Variants in MAPT observed in about 807,000 individuals in gnomAD.
MAPT encodes microtubule associated protein tau.
MAPT carries 34 observed loss-of-function variants against 67.9 expected under a neutral mutation model. That is an observed-to-expected ratio of 0.50 (90% confidence interval 0.38 to 0.67). The LOEUF (loss-of-function observed/expected upper bound fraction) is 0.67. Among genes scored for constraint, MAPT ranks in the 30% least tolerant of loss-of-function variants. The pLI, the probability that MAPT is intolerant of heterozygous loss-of-function variation, is 0.00. For missense variants in MAPT, 881 were observed against 1,115.2 expected, an observed-to-expected ratio of 0.79 and a Z score of 2.99; for synonymous variants, 456 against 464.5, an observed-to-expected ratio of 0.98 and a Z score of 0.23.
At chr17:45,939,110 G>A (rs1325314859) in intron 1 of MAPT, among the ~76,000 whole-genome samples, 1 of 151,962 alleles carries the variant, frequency 6.6e-6, no homozygotes, top group Non-Finnish European at 1.5e-5. Flanking sequence ...CAACATGCCC[G>A]GCCCCAGCTA....
intron 1 of MAPT, among the ~76,000 whole-genome samples, chr17:45,957,699 C>T (rs2069895964): frequency 6.6e-6 from 1 of 152,172 alleles, no homozygotes; most frequent in Non-Finnish European, 1.5e-5. Flanking sequence ...GACTACATTC[C>T]GCCCCCAACT....
chr17:45,907,768 A>T (rs560780125), intron 1 of MAPT: 1 of 152,378 alleles, frequency 6.6e-6, no homozygotes, highest in Non-Finnish European at 1.5e-5. Context: ...CTATACGAAG[A>T]TGCTGATAAT....
chr17:45,963,038 T>C lies in MAPT; in HGVS notation c.133+568T>C, dbSNP rs917428488. ...CAATCTCTCAAATACAGGGTACTTT[T>C]TGAGGCATTAGCCACACCTGTTAGC... On this transcript the variant is annotated intron_variant, in intron 2 of 12. Coordinates refer to ENST00000262410, the MANE Select transcript of MAPT (RefSeq NM_001377265.1). Among the ~76,000 whole-genome samples, 5 of 152,206 alleles carry C rather than the reference T, an allele frequency of 3.3e-5. No homozygotes were observed. The East Asian group carries it at 9.6e-4, about 29-fold the overall frequency.
At chr17:45,903,175 A>C (rs1256449413) in intron 1 of MAPT, among the ~76,000 whole-genome samples, 1 of 152,134 alleles carries the variant, frequency 6.6e-6, no homozygotes, top group African/African-American at 2.4e-5. Flanking sequence ...AATTCATGGA[A>C]CCGTGGGACG....
At chr17:45,937,032 C>T (rs2067395725) in intron 1 of MAPT, among the ~76,000 whole-genome samples, 1 of 152,194 alleles carries the variant, frequency 6.6e-6, no homozygotes, top group African/African-American at 2.4e-5. Flanking sequence ...CACGCCTACT[C>T]AGAGTCTGCA....
intron 1 of MAPT, among the ~76,000 whole-genome samples, chr17:45,945,983 T>G (rs190233894): frequency 7.0e-4 from 107 of 152,284 alleles, no homozygotes; most frequent in African/African-American, 2.3e-3. Context: ...GTTCCTTTGC[T>G]TTTCTCTTTT....
chr17:45,940,752 A>G (rs1316302255), intron 1 of MAPT, among the ~76,000 whole-genome samples: 1 of 152,150 alleles, frequency 6.6e-6, no homozygotes. Context: ...TTCTAGCTAT[A>G]GACAGAAAAA....
chr17:45,907,689 T>G (rs2064420221), intron 1 of MAPT: 1 of 152,210 alleles, frequency 6.6e-6, no homozygotes, highest in Non-Finnish European at 1.5e-5. Flanking sequence ...TTTGAAACAT[T>G]CTATAATCGT....
chr17:45,990,835 C>T lies in MAPT; in HGVS notation c.1606-625C>T, dbSNP rs149316672. On this transcript the variant is annotated intron_variant, in intron 7 of 12. Transcript: ENST00000262410. ...AAGGGTCATCTGCTGGGTAACGGAA[C>T]CCAGGGACTGCCCTAGTCCCTAGAC... Among the ~76,000 whole-genome samples, 524 of 152,248 alleles carry T rather than the reference C, an allele frequency of 3.4e-3. 9 individuals carry two copies. The highest frequency in any genetic ancestry group is 9.5e-3 in the East Asian group (49 of 5,180).
Position 45,983,598 on chromosome 17 carries a change from TC to T in MAPT, c.1024del (p.Leu342SerfsTer23), listed in dbSNP as rs1335230859. On this transcript the variant is annotated frameshift_variant, in exon 5 of 13. Transcript: ENST00000262410. LOFTEE classifies it high-confidence loss of function. ...SIPGFPAEGA[I>X]PLPVDFLSKV... is the part of the protein sequence containing the mutation. ...CCAGGCTTCCCAGCGGAGGGTGCCA[TC>T]CCCCTCCCTGTGGATTTCCTCTCCA... 6.2e-7 allele frequency: 1 copy of T among 1,612,892 alleles called. No homozygotes were observed. The highest frequency in any genetic ancestry group is 8.5e-7 in the Non-Finnish European group (1 of 1,179,886).
chr17:45,992,035 C>A (rs1251333231), intron 8 of MAPT, among the ~76,000 whole-genome samples: 1 of 152,104 alleles, frequency 6.6e-6, no homozygotes. Context: ...ATCCACCTGC[C>A]TCGGCCTCCC....
intron 8 of MAPT, among the ~76,000 whole-genome samples, chr17:45,993,201 C>T (rs1028148068): frequency 1.3e-5 from 2 of 152,214 alleles, no homozygotes; most frequent in South Asian, 2.1e-4. Flanking sequence ...TGGCATTTCT[C>T]GCACACATGC....
chr17:45,988,833 C>T (rs1028624036), intron 6 of MAPT, among the ~76,000 whole-genome samples: 22 of 152,074 alleles, frequency 1.4e-4, no homozygotes, highest in Non-Finnish European at 2.9e-4. Flanking sequence ...TGCAGTGAGC[C>T]GTGATGGCAC....
At chr17:45,904,221 TATATATATTATATATTATA>T (rs1365810310) in intron 1 of MAPT, among the ~76,000 whole-genome samples, 7 of 46,094 alleles carry the variant, frequency 1.5e-4, no homozygotes, top group South Asian at 4.9e-4. Context: ...TTATATATAT[TATATATATTATATATTATA>T]ATATATATTA....
In MAPT at chr17:45,983,773, A is replaced by G; in HGVS notation, c.1194A>G (p.Gly398=). The stretch of plus-strand genomic sequence containing the variant: ...AGGCGCACTCGGAGGAGCATTTGGG[A>G]AGGGCTGCATTTCCAGGGGCCCCTG... The part of the protein sequence containing the change: ...KEQAHSEEHL[G]RAAFPGAPGE... Residue 398 remains glycine, a synonymous_variant, in exon 5 of 13, where the codon GGA becomes GGG. Coordinates refer to ENST00000262410, the MANE Select transcript of MAPT (RefSeq NM_001377265.1). 4 of 1,614,028 alleles carry G rather than the reference A, an allele frequency of 2.5e-6. No individual in the cohort carries two copies. The highest frequency in any genetic ancestry group is 3.4e-6 in the Non-Finnish European group (4 of 1,179,986).
At chr17:45,904,696 C>CTT (rs112216179) in intron 1 of MAPT, among the ~76,000 whole-genome samples, 2 of 146,524 alleles carry the variant, frequency 1.4e-5, no homozygotes, top group South Asian at 2.2e-4. Context: ...TGTCTCTAAA[C>CTT]TTTTTTTTTT....
rs998186943 is a variant in MAPT, at chr17:45,961,901, C to G, written c.-17-420C>G. 5.9e-5 allele frequency among the ~76,000 whole-genome samples: 9 copies of G among 152,098 alleles called. No homozygotes were observed. The East Asian group carries it at 1.4e-3, about 23-fold the overall frequency. On this transcript the variant is annotated intron_variant, in intron 1 of 12. Transcript: ENST00000262410. ...ATTGATTCTCCTGCCTCAGCCTCCC[C>G]AGTAGCTGGGATTACAGGCACCTGC...
chr17:45,925,322 C>T (rs547301091), intron 1 of MAPT, among the ~76,000 whole-genome samples: 1 of 152,368 alleles, frequency 6.6e-6, no homozygotes, highest in African/African-American at 2.4e-5. Flanking sequence ...GGACCACACT[C>T]TTCTTTCTCT....
intron 1 of MAPT, among the ~76,000 whole-genome samples, chr17:45,904,467 C>T (rs999938426): frequency 5.0e-5 from 7 of 139,416 alleles, no homozygotes; most frequent in African/African-American, 1.9e-4. Context: ...GTGGGAGGAT[C>T]ACTTGAAGCC....
Sources: allele counts gnomAD v4.1 joint callset (sites outside exome capture counted in the v4.1 genomes callset), GRCh38; gene constraint gnomAD v4.1.1; transcripts MANE v1.5; gene names NCBI Gene and HGNC (gene_info 2026-07-23, HGNC 2026-07-21).